PDE6B: variants seen among roughly 807,000 people sequenced by gnomAD.
PDE6B encodes the protein phosphodiesterase 6B, also known as rod cGMP-specific 3',5'-cyclic phosphodiesterase subunit beta.
PDE6B carries 106 observed loss-of-function variants against 109.0 expected under a neutral mutation model. The ratio of observed to expected loss-of-function variants is 0.97; its 90% CI spans 0.83 to 1.14. The LOEUF is 1.14. Among genes scored for constraint, PDE6B ranks in the 50% most tolerant of loss-of-function variants. The pLI is 0.00. For missense variants in PDE6B, 1,193 were observed against 1,155.6 expected, an observed-to-expected ratio of 1.03 and a Z score of -0.47; for synonymous variants, 490 against 471.3, an observed-to-expected ratio of 1.04 and a Z score of -0.51.
Position 668,017 on chromosome 4 carries a change from G to C in PDE6B, c.2503+11G>C, listed in dbSNP as rs149346690. On this transcript the variant is annotated intron_variant, in intron 21 of 21. Coordinates refer to ENST00000496514, the MANE Select transcript of PDE6B (RefSeq NM_000283.4). ...TGGCAGCCAAGAAAGGTCTGGCTCT[G>C]TGTGGCCTGTGGGGCAGGGACTCGG... 20 of 1,609,738 alleles carry C rather than the reference G, an allele frequency of 1.2e-5. No individual in the cohort carries two copies. The highest frequency in any genetic ancestry group is 1.6e-5 in the Non-Finnish European group (19 of 1,178,542).
intron 1 of PDE6B, among the ~76,000 whole-genome samples, chr4:634,257 T>C (rs1250379091): frequency 6.6e-6 from 1 of 152,000 alleles, no homozygotes; most frequent in East Asian, 1.9e-4. Context: ...GGGAAGAGTG[T>C]AGGAGTGTCC....
chr4:657,464 G>C lies in PDE6B; in HGVS notation c.1371G>C (p.Lys457Asn), dbSNP rs2109218771. ...IAQDMVLYHV[K>N]CDRDEIQLIL... ...AGGACATGGTCCTTTACCACGTGAAGTGCGACAGGGACGAGATCCAGCTCA... is the reference window on the plus strand; with the variant it reads ...AGGACATGGTCCTTTACCACGTGAACTGCGACAGGGACGAGATCCAGCTCA... Residue 457 changes from lysine (K) to asparagine (N), a missense_variant, in exon 10 of 22, where the codon AAG becomes AAC. Physicochemically the swap from Lys to Asn is moderately conservative, Grantham distance 94. Transcript: ENST00000496514. 6.2e-7 allele frequency: 1 copy of C among 1,613,400 alleles called. No individual in the cohort carries two copies. Among genetic ancestry groups the C allele is most frequent in the Non-Finnish European group, 8.5e-7 (1 of 1,179,926 alleles).
intron 21 of PDE6B, among the ~76,000 whole-genome samples, chr4:669,742 C>T (rs867245443): frequency 2.0e-5 from 3 of 148,338 alleles, no homozygotes; most frequent in African/African-American, 7.6e-5. Flanking sequence ...TTCCCGCTAC[C>T]CCATGCTATT....
chr4:664,035 C>T (rs1474782308), intron 16 of PDE6B, 79 bp from the exon 17 acceptor site: 2 of 1,194,078 alleles, frequency 1.7e-6, no homozygotes, highest in Middle Eastern at 1.9e-4. Flanking sequence ...TCGGGCTCCG[C>T]GCCTCCCTGC....
chr4:631,019 C>T (rs1225414405), intron 1 of PDE6B, among the ~76,000 whole-genome samples: 1 of 152,146 alleles, frequency 6.6e-6, no homozygotes, highest in Non-Finnish European at 1.5e-5. Flanking sequence ...GTGACGCAGC[C>T]AGGAAGGCAG....
rs1189428535 is a variant in PDE6B at position 669,750 on chromosome 4, A to G, written c.2504-296A>G. On this transcript the variant is annotated intron_variant, in intron 21 of 21. Transcript: ENST00000496514. ...CATGCTATTCCCGCTACCCCATGCTATTCCCCTACCCCATGCTATCCCCCT... is the reference window on the plus strand; with the variant it reads ...CATGCTATTCCCGCTACCCCATGCTGTTCCCCTACCCCATGCTATCCCCCT... 1.5e-5 allele frequency among the ~76,000 whole-genome samples: 2 copies of G among 129,140 alleles called. 1 individual carries two copies. The highest frequency in any genetic ancestry group is 3.2e-5 in the Non-Finnish European group (2 of 61,730). The allele number at this position is 129,140 out of a possible 152,430, so 84.7% of individuals were successfully genotyped here.
At chr4:635,727 C>G (rs1437250975) in intron 2 of PDE6B, among the ~76,000 whole-genome samples, 153 bp from the exon 3 acceptor site, 4 of 152,246 alleles carry the variant, frequency 2.6e-5, no homozygotes, top group Non-Finnish European at 5.9e-5. Context: ...TGCACCTGAG[C>G]TTGTGTGTGC....
intron 5 of PDE6B, 166 bp downstream of exon 5, chr4:654,320 T>G (rs1196945411): frequency 2.8e-6 from 2 of 718,354 alleles, no homozygotes; most frequent in Admixed American, 2.0e-5. Flanking sequence ...CCCCTGCTGC[T>G]GCACTCCAGG....
intron 2 of PDE6B, 55 bp from the exon 3 acceptor site, chr4:635,825 G>A: frequency 1.1e-6 from 1 of 922,456 alleles, no homozygotes; most frequent in East Asian, 2.4e-5. Context: ...TACCCACGGG[G>A]GCACATGTCT....
intron 16 of PDE6B, 39 bp from the exon 17 acceptor site, chr4:664,075 C>A: frequency 7.1e-7 from 1 of 1,418,428 alleles, no homozygotes; most frequent in Non-Finnish European, 1.0e-6. Context: ...GGTCTCCACA[C>A]TTGCTCCCAC....
In PDE6B at chr4:656,234, T is replaced by C. The variant is rs1289722672; in HGVS notation, c.1060-11T>C. On this transcript the variant is annotated splice_polypyrimidine_tract_variant and intron_variant, in intron 7 of 21. Coordinates refer to ENST00000496514, the MANE Select transcript of PDE6B (RefSeq NM_000283.4). ...GTTTTGGATGAAATCGTTTTTCTGA[T>C]GCTTTTTCAGATTTGTAACATCATG... The C allele has an allele frequency of 6.3e-7, 1 of 1,585,840 alleles. No individual in the cohort carries two copies. The highest frequency in any genetic ancestry group is 8.7e-7 in the Non-Finnish European group (1 of 1,154,534).
chr4:669,969 C>T, intron 21 of PDE6B, 77 bp from the exon 22 acceptor site: 1 of 1,239,712 alleles, frequency 8.1e-7, no homozygotes, highest in Non-Finnish European at 1.2e-6. Flanking sequence ...TGGTAGAGGT[C>T]ACACCAGGCA....
rs1027729162 is a variant in PDE6B, at chr4:666,250, A to G, written c.2269-281A>G. 1.3e-5 allele frequency among the ~76,000 whole-genome samples: 2 copies of G among 152,102 alleles called. No homozygotes were observed. The highest frequency in any genetic ancestry group is 4.8e-5 in the African/African-American group (2 of 41,422). On this transcript the variant is annotated intron_variant, in intron 19 of 21. Coordinates refer to ENST00000496514, the MANE Select transcript of PDE6B (RefSeq NM_000283.4). The surrounding 1 kb of genome is among the most constrained non-coding windows in gnomAD (Gnocchi z 5.6). ...CTCCCCGCCTCTCCCCAGCTGCAGT[A>G]AGGGTCCCCAGAGCCAAGAGGGGGC...
chr4:655,628 C>G, intron 6 of PDE6B: 1 of 479,662 alleles, frequency 2.1e-6, no homozygotes, highest in Non-Finnish European at 3.9e-6. Context: ...CTGGCCTCCT[C>G]GCCTCCTGAA....
rs144586185 is a variant in PDE6B at position 648,903 on chromosome 4, G to C, written c.712-4949G>C. Among the ~76,000 whole-genome samples the C allele has an allele frequency of 1.5e-4, 23 of 152,354 alleles. No individual in the cohort carries two copies. Among genetic ancestry groups the C allele is most frequent in the East Asian group, 1.4e-3 (7 of 5,182 alleles). On this transcript the variant is annotated intron_variant, in intron 3 of 21. Transcript: ENST00000496514. This position sits in a 1 kb window ranked among gnomAD's most constrained non-coding sequence, Gnocchi z 4.5. ...GACTCAGGTCAGGCATGGGAGGAGC[G>C]GGGGAGCCTTCTGTCTCTGCAGGTC...
At chr4:655,284 G>T (rs943659990) in intron 6 of PDE6B, 14 of 314,506 alleles carry the variant, frequency 4.5e-5, no homozygotes, top group Non-Finnish European at 7.3e-5. Context: ...CCGAGTCTTG[G>T]CCCCGTGGGG....
chr4:668,273 T>C (rs1738030848), intron 21 of PDE6B, among the ~76,000 whole-genome samples: 1 of 151,904 alleles, frequency 6.6e-6, no homozygotes, highest in Non-Finnish European at 1.5e-5. Context: ...AACCATATCT[T>C]ATGTCCTTTA....
In PDE6B at chr4:634,767, G is replaced by C. The variant is rs138615156; in HGVS notation, c.559G>C (p.Val187Leu). Residue 187 changes from valine (V) to leucine (L), a missense_variant, in exon 2 of 22, where the codon GTG becomes CTG. Transcript: ENST00000496514. ...ACCCATCATGAATGGCAAAGACGTC[G>C]TGGCGGTGATCATGGCAGTGAACAA... Reference protein sequence around the residue: ...ATPIMNGKDVVAVIMAVNKLN... With the variant: ...ATPIMNGKDVLAVIMAVNKLN... 3 of 1,613,824 alleles carry C rather than the reference G, an allele frequency of 1.9e-6. No homozygotes were observed. The Admixed American group carries it at 5.0e-5, about 27-fold the overall frequency.
intron 3 of PDE6B, among the ~76,000 whole-genome samples, chr4:639,439 T>C (rs1458390439): frequency 1.3e-5 from 2 of 152,164 alleles, no homozygotes; most frequent in Non-Finnish European, 2.9e-5. Context: ...GAGCAGGGGC[T>C]CTGCTAGCAG....
Sources: allele counts gnomAD v4.1 joint callset (sites outside exome capture counted in the v4.1 genomes callset), GRCh38; gene constraint gnomAD v4.1.1; non-coding constraint Gnocchi (gnomAD v3.1); transcripts MANE v1.5; gene names NCBI Gene and HGNC (gene_info 2026-07-23, HGNC 2026-07-21).